The following CNN3 variants were observed in gnomAD, a reference collection of about 807,000 sequenced individuals.
CNN3 encodes calponin-3.
CNN3 carries 11 observed loss-of-function variants against 39.0 expected under a neutral mutation model. That is an observed-to-expected ratio of 0.28 (90% confidence interval 0.18 to 0.47). The LOEUF is 0.47. Ranked by LOEUF, CNN3 falls within the 20% of genes least tolerant of loss-of-function variation. CNN3 has a pLI of 0.99. For missense variants in CNN3, 266 were observed against 403.4 expected, an observed-to-expected ratio of 0.66 and a Z score of 2.92; for synonymous variants, 101 against 138.3, an observed-to-expected ratio of 0.73 and a Z score of 1.89.
chr1:94,900,264 A>C (rs1483649746), intron 5 of CNN3, among the ~76,000 whole-genome samples: 2 of 152,212 alleles, frequency 1.3e-5, no homozygotes, highest in African/African-American at 4.8e-5. Flanking sequence ...CATTGAAGAA[A>C]ATTCAGAAAA....
Position 94,899,485 on chromosome 1 carries a change from A to G in CNN3, c.534T>C (p.Gly178=). The change falls in exon 6 of 7, where the codon GGT becomes GGC. Residue 178 remains glycine (G), a synonymous_variant. Transcript: ENST00000370206. The part of the protein sequence containing the change: ...MGTNKCASQA[G]MTAYGTRRHL... ...GCCTCCTAGTCCCGTAAGCTGTCAT[A>G]CCTGCCTGGCTGGCACATTTGTTGG... is the stretch of plus-strand genomic sequence containing the variant. The G allele has an allele frequency of 6.2e-7, 1 of 1,612,194 alleles. No homozygotes were observed. The highest frequency in any genetic ancestry group is 8.5e-7 in the Non-Finnish European group (1 of 1,179,542).
chr1:94,912,818 C>T (rs1557912946), intron 1 of CNN3, among the ~76,000 whole-genome samples: 1 of 152,124 alleles, frequency 6.6e-6, no homozygotes, highest in Non-Finnish European at 1.5e-5. Flanking sequence ...CTTAGATGGC[C>T]CACTAGGGAT....
chr1:94,910,973 C>T (rs190043756), intron 1 of CNN3, among the ~76,000 whole-genome samples: 135 of 152,314 alleles, frequency 8.9e-4, no homozygotes, highest in Non-Finnish European at 1.4e-3. Context: ...CTGGTTCCTG[C>T]CTCTCTGTCT....
chr1:94,901,564 G>C lies in CNN3; in HGVS notation c.501+105C>G. The C allele has an allele frequency of 4.2e-6, 3 of 712,664 alleles. No individual in the cohort carries two copies. The South Asian group carries it at 5.3e-5, about 13-fold the overall frequency. 44.1% of individuals were successfully genotyped at this position (712,664 alleles called of 1,614,324 possible). A position where few individuals can be genotyped will look rare whatever the true frequency, so the allele number is the denominator to read the frequency against. On this transcript the variant is annotated intron_variant, in intron 5 of 6. Transcript: ENST00000370206. Reference sequence around the variant, plus strand: ...TTGTATAAACTACACCCCCCCCCCAGTACTATAGTACTTCTGTCTATTCTT... The same window carrying C: ...TTGTATAAACTACACCCCCCCCCCACTACTATAGTACTTCTGTCTATTCTT...
intron 5 of CNN3, among the ~76,000 whole-genome samples, chr1:94,900,304 A>T (rs951293045): frequency 1.3e-5 from 2 of 152,228 alleles, no homozygotes; most frequent in African/African-American, 2.4e-5. Flanking sequence ...GGGGGGAAAA[A>T]TCATTGTGAT....
intron 5 of CNN3, 138 bp downstream of exon 5, chr1:94,901,531 G>T (rs1225183812): frequency 1.1e-5 from 6 of 552,524 alleles, no homozygotes; most frequent in Admixed American, 7.1e-5. Flanking sequence ...TTTATAAATA[G>T]ATATAAATTG....
chr1:94,902,012 G>A (rs562213534), intron 4 of CNN3, 109 bp downstream of exon 4: 5 of 949,128 alleles, frequency 5.3e-6, no homozygotes, highest in Non-Finnish European at 8.3e-6. Flanking sequence ...AATTACAGAA[G>A]AGACAGGCCC....
Position 94,923,193 on chromosome 1 carries a change from G to C in CNN3, c.57+3645C>G, listed in dbSNP as rs576092451. On this transcript the variant is annotated intron_variant, in intron 1 of 6. Coordinates refer to ENST00000370206, the MANE Select transcript of CNN3 (RefSeq NM_001839.5). ...CCAACATTTTGCCAGGAAATACTGT[G>C]CTTCCCTTGAGTACCTGTTATGTTT... Among the ~76,000 whole-genome samples the C allele has an allele frequency of 6.2e-4, 94 of 152,166 alleles. 1 individual carries two copies. Among genetic ancestry groups the C allele is most frequent in the Admixed American group, 9.2e-4 (14 of 15,282 alleles).
At chr1:94,905,295 T>G (rs185410350) in intron 1 of CNN3, among the ~76,000 whole-genome samples, 4 of 152,304 alleles carry the variant, frequency 2.6e-5, no homozygotes, top group African/African-American at 9.6e-5. Context: ...TTTTAACTTC[T>G]CAAGGTAGGA....
chr1:94,900,998 C>T (rs1473916532), intron 5 of CNN3, among the ~76,000 whole-genome samples: 1 of 152,056 alleles, frequency 6.6e-6, no homozygotes, highest in Non-Finnish European at 1.5e-5. Context: ...GGCAGGAGGA[C>T]TGCTTGAGCT....
At chr1:94,915,034 C>T (rs1194493947) in intron 1 of CNN3, among the ~76,000 whole-genome samples, 1 of 152,098 alleles carries the variant, frequency 6.6e-6, no homozygotes, top group African/African-American at 2.4e-5. Flanking sequence ...TAGGCATGTG[C>T]CACTACAGCT....
At chr1:94,902,045 CATGAAAA>C in intron 4 of CNN3, 69 bp downstream of exon 4, 1 of 1,307,572 alleles carries the variant, frequency 7.6e-7, no homozygotes, top group Non-Finnish European at 1.1e-6. Context: ...TCTGAACCCC[CATGAAAA>C]AGCAATGATG....
chr1:94,903,064 G>T, intron 3 of CNN3, 58 bp downstream of exon 3: 4 of 1,273,964 alleles, frequency 3.1e-6, no homozygotes, highest in South Asian at 1.9e-5. Context: ...CTGAAATCAA[G>T]TTTTCACTAC....
intron 1 of CNN3, among the ~76,000 whole-genome samples, chr1:94,905,366 G>A (rs1002618518): frequency 6.6e-6 from 1 of 152,144 alleles, no homozygotes; most frequent in African/African-American, 2.4e-5. Context: ...TCCCCCTCTT[G>A]AAGGCTCACC....
At chr1:94,902,002 A>G in intron 4 of CNN3, 119 bp downstream of exon 4, 2 of 875,528 alleles carry the variant, frequency 2.3e-6, no homozygotes, top group Admixed American at 2.1e-5. Context: ...CAAAGCTACT[A>G]ATTACAGAAG....
chr1:94,922,695 G>A (rs1478596847), intron 1 of CNN3, among the ~76,000 whole-genome samples: 1 of 152,172 alleles, frequency 6.6e-6, no homozygotes, highest in African/African-American at 2.4e-5. Flanking sequence ...GGGTTACTCT[G>A]ATCAGAAGTA....
intron 5 of CNN3, among the ~76,000 whole-genome samples, chr1:94,900,725 A>G (rs1670840024): frequency 6.6e-6 from 1 of 152,212 alleles, no homozygotes; most frequent in African/African-American, 2.4e-5. Context: ...TTGGGGAATT[A>G]GCAATGACGT....
chr1:94,927,005 T>C lies in CNN3; in HGVS notation c.-111A>G. Reference sequence around the variant, plus strand: ...CGCCGCGGGGGATGCTCGAACTCCCTCCTCTGGGAGGCGCAGGAGACGGCC... The same window carrying C: ...CGCCGCGGGGGATGCTCGAACTCCCCCCTCTGGGAGGCGCAGGAGACGGCC... On this transcript the variant is annotated 5_prime_UTR_variant, in exon 1 of 7. Transcript: ENST00000370206. The C allele has an allele frequency of 8.1e-7, 1 of 1,236,410 alleles. No individual in the cohort carries two copies. The highest frequency in any genetic ancestry group is 1.1e-6 in the Non-Finnish European group (1 of 880,924). 76.6% of individuals were successfully genotyped at this position (1,236,410 alleles called of 1,614,324 possible).
intron 1 of CNN3, among the ~76,000 whole-genome samples, chr1:94,911,026 G>T (rs112860313): frequency 6.6e-6 from 1 of 152,118 alleles, no homozygotes; most frequent in Non-Finnish European, 1.5e-5. Context: ...TTTGCATCCC[G>T]AATTCTTATT....
Sources: allele counts gnomAD v4.1 joint callset (sites outside exome capture counted in the v4.1 genomes callset), GRCh38; gene constraint gnomAD v4.1.1; transcripts MANE v1.5; gene names NCBI Gene and HGNC (gene_info 2026-07-23, HGNC 2026-07-21).